The following MAN1A1 variants were observed in gnomAD, a reference collection of about 807,000 sequenced individuals.
MAN1A1 encodes the protein mannosyl-oligosaccharide 1,2-alpha-mannosidase IA.
A neutral mutation model predicts 70.8 loss-of-function variants in MAN1A1; 29 were observed. That is an observed-to-expected ratio of 0.41 (90% CI 0.31 to 0.56). The LOEUF is 0.56. Among genes scored for constraint, MAN1A1 ranks in the 20% least tolerant of loss-of-function variants. MAN1A1 has a pLI of 0.29. For synonymous variants in MAN1A1, 349 were observed against 330.1 expected, an observed-to-expected ratio of 1.06 and a Z score of -0.62; for missense variants, 747 against 841.3, an observed-to-expected ratio of 0.89 and a Z score of 1.39.
chr6:119,189,965 AG>A (rs895201207), intron 9 of MAN1A1, 82 bp from the exon 10 acceptor site: 12 of 1,033,016 alleles, frequency 1.2e-5, no homozygotes, highest in Non-Finnish European at 1.7e-5. Flanking sequence ...TAAAAAAAAA[AG>A]AATAGAATAC....
chr6:119,184,468 G>A (rs1338085206), intron 11 of MAN1A1, among the ~76,000 whole-genome samples: 2 of 152,108 alleles, frequency 1.3e-5, no homozygotes, highest in Non-Finnish European at 2.9e-5. Flanking sequence ...TGGCTGATCC[G>A]TGGAGTAAGG....
At chr6:119,200,714 C>T (rs1731050586) in intron 8 of MAN1A1, among the ~76,000 whole-genome samples, 1 of 152,146 alleles carries the variant, frequency 6.6e-6, no homozygotes, top group African/African-American at 2.4e-5. Context: ...AGTTCTTGTG[C>T]AATACTTTCT....
chr6:119,306,962 C>A lies in MAN1A1; in HGVS notation c.634G>T (p.Gly212Cys), dbSNP rs1772551133. 1 of 1,592,406 alleles carries A rather than the reference C, an allele frequency of 6.3e-7. No homozygotes were observed. Among genetic ancestry groups the A allele is most frequent in the Non-Finnish European group, 8.6e-7 (1 of 1,161,388 alleles). The change falls in exon 3 of 13, where the codon GGT becomes TGT. Residue 212 changes from glycine to cysteine, a missense_variant. By Grantham distance (159) the Gly-to-Cys change is radical. Coordinates refer to ENST00000368468, the MANE Select transcript of MAN1A1 (RefSeq NM_005907.4). ...MMKHAWNNYK[G>C]YAWGLNELKP... ...AGTTCATTTAATCCCCAGGCATAAC[C>A]TTTATAATTATTCCAAGCATGTTTC...
intron 6 of MAN1A1, among the ~76,000 whole-genome samples, chr6:119,213,651 C>T (rs1029376164): frequency 5.9e-5 from 9 of 152,150 alleles, no homozygotes; most frequent in Non-Finnish European, 4.4e-5. Context: ...CTTCTCATGC[C>T]GATCTAAAGG....
At chr6:119,289,837 A>G (rs1472936348) in intron 5 of MAN1A1, among the ~76,000 whole-genome samples, 3 of 152,000 alleles carry the variant, frequency 2.0e-5, no homozygotes, top group Non-Finnish European at 4.4e-5. Flanking sequence ...ATAGCAATAC[A>G]TGAAATACTG....
Position 119,180,415 on chromosome 6 carries a change from G to C in MAN1A1, c.1732C>G (p.His578Asp). Residue 578 changes from histidine to aspartate, a missense_variant, in exon 12 of 13, where the codon CAT (histidine) becomes GAT (aspartate). His to Asp is a moderately conservative substitution (Grantham distance 81). Around this residue, in one of 2 missense-constraint regions of MAN1A1, gnomAD observed 419 missense variants for 548.2 expected, o/e 0.76. Coordinates refer to ENST00000368468, the MANE Select transcript of MAN1A1 (RefSeq NM_005907.4). Reference sequence around the variant, plus strand: ...GAATAGCCTCCATTCACTCTGCAATGGTTTTCCAAGGCCTAAATTATAGAG... The same window carrying C: ...GAATAGCCTCCATTCACTCTGCAATCGTTTTCCAAGGCCTAAATTATAGAG... ...AWEAVEALEN[H>D]CRVNGGYSGL... 1 of 1,592,058 alleles carries C rather than the reference G, an allele frequency of 6.3e-7. No individual in the cohort carries two copies. Among genetic ancestry groups the C allele is most frequent in the Non-Finnish European group, 8.6e-7 (1 of 1,163,708 alleles).
intron 2 of MAN1A1, among the ~76,000 whole-genome samples, chr6:119,341,227 C>A (rs944631766): frequency 6.6e-6 from 1 of 152,064 alleles, no homozygotes; most frequent in Non-Finnish European, 1.5e-5. Context: ...CTGCCACATT[C>A]TCCGGAGCAA....
At chr6:119,348,312 G>A in intron 2 of MAN1A1, 151 bp downstream of exon 2, 1 of 750,004 alleles carries the variant, frequency 1.3e-6, no homozygotes, top group Non-Finnish European at 2.1e-6. Flanking sequence ...AACAGGAAAA[G>A]AAAGAGCTTT....
At position 119,189,689 on chromosome 6, in the gene MAN1A1, A is replaced by G. The variant is rs746746757; in HGVS notation, c.1521T>C (p.Thr507=). The change falls in exon 10 of 13, where the codon ACT becomes ACC. Residue 507 remains threonine, a synonymous_variant. Coordinates refer to ENST00000368468, the MANE Select transcript of MAN1A1 (RefSeq NM_005907.4). ...YLELGAEIAR[T]CHESYNRTFM... ...ATGTTCGATTATATGATTCATGACAAGTACGGGCAATTTCAGCCCCGAGTT... is the reference window on the plus strand; with the variant it reads ...ATGTTCGATTATATGATTCATGACAGGTACGGGCAATTTCAGCCCCGAGTT... 3 of 1,613,974 alleles carry G rather than the reference A, an allele frequency of 1.9e-6. No individual in the cohort carries two copies. The highest frequency in any genetic ancestry group is 8.5e-7 in the Non-Finnish European group (1 of 1,180,016).
At chr6:119,331,369 T>G (rs1226203364) in intron 2 of MAN1A1, among the ~76,000 whole-genome samples, 2 of 151,910 alleles carry the variant, frequency 1.3e-5, no homozygotes, top group Non-Finnish European at 2.9e-5. Flanking sequence ...AATTGTAACA[T>G]TATGTATCCT....
At chr6:119,308,719 G>A (rs987246752) in intron 2 of MAN1A1, among the ~76,000 whole-genome samples, 1 of 151,968 alleles carries the variant, frequency 6.6e-6, no homozygotes, top group Non-Finnish European at 1.5e-5. Context: ...AAAATCTACA[G>A]AACACCTAGA....
At chr6:119,224,199 T>C (rs1344568875) in intron 6 of MAN1A1, among the ~76,000 whole-genome samples, 3 of 152,100 alleles carry the variant, frequency 2.0e-5, no homozygotes, top group African/African-American at 7.2e-5. Context: ...ATCACCAAAA[T>C]AGCTGAGAGA....
chr6:119,242,982 G>T (rs1417263455), intron 6 of MAN1A1, among the ~76,000 whole-genome samples: 1 of 151,872 alleles, frequency 6.6e-6, no homozygotes, highest in African/African-American at 2.4e-5. Context: ...TCCAACTGGG[G>T]GAAGAAAAAG....
At chr6:119,260,766 G>A (rs982388066) in intron 5 of MAN1A1, among the ~76,000 whole-genome samples, 1 of 151,994 alleles carries the variant, frequency 6.6e-6, no homozygotes, top group Admixed American at 6.6e-5. Context: ...ATGAAACAAT[G>A]CCCTGCCTTA....
At chr6:119,252,233 C>T (rs1477150899) in intron 5 of MAN1A1, among the ~76,000 whole-genome samples, 12 of 152,102 alleles carry the variant, frequency 7.9e-5, no homozygotes, top group African/African-American at 2.7e-4. Flanking sequence ...TGGAATTGGC[C>T]GTTTGATACT....
intron 2 of MAN1A1, among the ~76,000 whole-genome samples, chr6:119,345,198 G>C (rs200713773): frequency 2.7e-5 from 4 of 147,386 alleles, no homozygotes; most frequent in South Asian, 2.1e-4. Context: ...TTGAGGGGGG[G>C]GCGGAGCGGG....
intron 6 of MAN1A1, among the ~76,000 whole-genome samples, chr6:119,209,943 C>G (rs1257492009): frequency 1.3e-5 from 2 of 152,202 alleles, no homozygotes; most frequent in East Asian, 3.8e-4. Context: ...TGCTTTCAAA[C>G]AGCAGCAGGG....
Position 119,179,961 on chromosome 6 carries a change from T to G in MAN1A1, c.1836-16A>C. The G allele has an allele frequency of 6.2e-7, 1 of 1,612,690 alleles. No individual in the cohort carries two copies. The highest frequency in any genetic ancestry group is 8.5e-7 in the Non-Finnish European group (1 of 1,179,126). ...GTACAAATATCTGGTGAGAGAAACA[T>G]AAGTATATGAGGCCCAAGACACTAG... On this transcript the variant is annotated splice_polypyrimidine_tract_variant and intron_variant, in intron 12 of 12. Transcript: ENST00000368468.
At chr6:119,254,725 CA>C (rs1477764606) in intron 5 of MAN1A1, among the ~76,000 whole-genome samples, 1 of 152,096 alleles carries the variant, frequency 6.6e-6, no homozygotes, top group Non-Finnish European at 1.5e-5. Flanking sequence ...TCTAATGATC[CA>C]ACAAGAATTT....
Sources: allele counts gnomAD v4.1 joint callset (sites outside exome capture counted in the v4.1 genomes callset), GRCh38; gene constraint gnomAD v4.1.1; regional missense constraint gnomAD v4.1.1; transcripts MANE v1.5; gene names NCBI Gene and HGNC (gene_info 2026-07-23, HGNC 2026-07-21).